RELN: variants seen among roughly 807,000 people sequenced by gnomAD.
RELN encodes reelin.
RELN carries 108 observed loss-of-function variants against 427.6 expected under a neutral mutation model. That is an observed-to-expected ratio of 0.25 (90% CI 0.22 to 0.30). RELN has a LOEUF of 0.30. RELN is among the 10% of genes least tolerant of loss of function. The pLI is 1.00. For missense variants in RELN, 3,715 were observed against 4,302.8 expected (o/e 0.86, Z 3.82); for synonymous variants, 1,524 against 1,513.4 (o/e 1.01, Z -0.16).
In RELN at chr7:103,627,794, T is replaced by C. The variant is rs149033330; in HGVS notation, c.2702+2146A>G. The C allele has an allele frequency of 2.9e-4, 44 of 152,344 alleles. No individual in the cohort carries two copies. The East Asian group carries it at 7.3e-3, about 25-fold the overall frequency. 9.4% of individuals were successfully genotyped at this position (152,344 alleles called of 1,614,324 possible). On this transcript the variant is annotated intron_variant, in intron 20 of 64. Coordinates refer to ENST00000428762, the MANE Select transcript of RELN (RefSeq NM_005045.4). Reference sequence around the variant, plus strand: ...TTTCTATAATTACTGTGATTGTACTTTCACAAAGTAAATGTATCTCCACCA... The same window carrying C: ...TTTCTATAATTACTGTGATTGTACTCTCACAAAGTAAATGTATCTCCACCA...
At chr7:103,729,143 C>T (rs934207914) in intron 6 of RELN, among the ~76,000 whole-genome samples, 1 of 151,966 alleles carries the variant, frequency 6.6e-6, no homozygotes, top group Non-Finnish European at 1.5e-5. Context: ...AGCAATGTTT[C>T]CCCTGTCTGA....
intron 8 of RELN, among the ~76,000 whole-genome samples, chr7:103,713,141 T>C (rs10280477): frequency 0.28 from 42,991 of 152,008 alleles, 6,243 homozygotes; most frequent in South Asian, 0.38. Flanking sequence ...CTAGATAGCA[T>C]AGTGGGACCC....
At chr7:103,566,499 G>C in intron 32 of RELN, 87 bp from the exon 33 acceptor site, 1 of 1,589,154 alleles carries the variant, frequency 6.3e-7, no homozygotes, top group East Asian at 2.2e-5. Flanking sequence ...AAATCAAATT[G>C]TCTAGAAATT....
intron 28 of RELN, among the ~76,000 whole-genome samples, chr7:103,580,003 C>T (rs184555245): frequency 7.9e-5 from 12 of 152,254 alleles, no homozygotes; most frequent in African/African-American, 2.9e-4. Context: ...CTGAGAGTTG[C>T]GAGAGGTGTA....
intron 3 of RELN, among the ~76,000 whole-genome samples, chr7:103,814,945 T>A (rs1792834000): frequency 6.6e-6 from 1 of 152,178 alleles, no homozygotes; most frequent in Non-Finnish European, 1.5e-5. Flanking sequence ...TTTATACATC[T>A]TTGTCCAGAG....
intron 2 of RELN, among the ~76,000 whole-genome samples, chr7:103,854,477 T>C (rs1040262604): frequency 1.3e-5 from 2 of 152,202 alleles, no homozygotes; most frequent in Non-Finnish European, 2.9e-5. Flanking sequence ...AGGTATAACA[T>C]ACATATAATA....
chr7:103,930,867 T>C (rs1398302172), intron 1 of RELN, among the ~76,000 whole-genome samples: 1 of 114,452 alleles, frequency 8.7e-6, no homozygotes, highest in Non-Finnish European at 1.7e-5. Flanking sequence ...GGTGTGAGCA[T>C]ATGTGTGTGT....
In RELN at chr7:103,483,826, A is replaced by G; in HGVS notation, c.10008T>C (p.Ile3336=). The change falls in exon 62 of 65, where the codon ATT becomes ATC. Residue 3336 remains isoleucine (I), a synonymous_variant. Coordinates refer to ENST00000428762, the MANE Select transcript of RELN (RefSeq NM_005045.4). ...RASKIMFVLQ[I]GSMSQTDSCN... ...AGCTGTCCGTCTGCGACATGCTCCC[A>G]ATTTGCAAAACAAACATGATTTTGC... 1 of 1,613,994 alleles carries G rather than the reference A, an allele frequency of 6.2e-7. No homozygotes were observed. Among genetic ancestry groups the G allele is most frequent in the Non-Finnish European group, 8.5e-7 (1 of 1,179,876 alleles).
chr7:103,764,379 T>C (rs1791377424), intron 4 of RELN, among the ~76,000 whole-genome samples: 1 of 152,176 alleles, frequency 6.6e-6, no homozygotes, highest in Non-Finnish European at 1.5e-5. Flanking sequence ...ATTTCATGGC[T>C]AGAAAGTGCC....
At chr7:103,710,260 C>T (rs186602742) in intron 8 of RELN, among the ~76,000 whole-genome samples, 2 of 152,206 alleles carry the variant, frequency 1.3e-5, no homozygotes, top group African/African-American at 4.8e-5. Flanking sequence ...ACTCCTTCAT[C>T]ACGTTGCCCC....
chr7:103,742,607 T>C (rs1024935129), intron 6 of RELN, among the ~76,000 whole-genome samples: 3 of 152,088 alleles, frequency 2.0e-5, no homozygotes, highest in African/African-American at 7.2e-5. Context: ...GCACGAGAGC[T>C]ACATGACGAA....
intron 22 of RELN, among the ~76,000 whole-genome samples, chr7:103,605,715 T>A (rs1371333355): frequency 6.6e-6 from 1 of 152,240 alleles, no homozygotes; most frequent in Admixed American, 6.5e-5. Flanking sequence ...TTGATCTTAA[T>A]GATCTAAATG....
At chr7:103,624,333 C>T (rs1054309881) in intron 20 of RELN, among the ~76,000 whole-genome samples, 2 of 152,192 alleles carry the variant, frequency 1.3e-5, no homozygotes, top group African/African-American at 2.4e-5. Flanking sequence ...GGGCTGATCA[C>T]GCCACCTGGG....
intron 8 of RELN, among the ~76,000 whole-genome samples, chr7:103,715,212 A>G (rs1789907834): frequency 6.6e-6 from 1 of 152,226 alleles, no homozygotes; most frequent in Non-Finnish European, 1.5e-5. Flanking sequence ...CTAAGCATCT[A>G]CTAAAAATGG....
intron 4 of RELN, among the ~76,000 whole-genome samples, chr7:103,770,902 C>T (rs1172314047): frequency 6.7e-6 from 1 of 148,502 alleles, no homozygotes; most frequent in East Asian, 2.0e-4. Flanking sequence ...AGCCAAATTG[C>T]CAATCGCTTA....
chr7:103,502,892 A>T, intron 52 of RELN, 124 bp downstream of exon 52: 2 of 813,666 alleles, frequency 2.5e-6, no homozygotes, highest in Non-Finnish European at 4.2e-6. Flanking sequence ...GAGAACCTTT[A>T]GAGTTAGGGA....
At chr7:103,661,052 G>A (rs1428246658) in intron 12 of RELN, among the ~76,000 whole-genome samples, 1 of 152,116 alleles carries the variant, frequency 6.6e-6, no homozygotes, top group Non-Finnish European at 1.5e-5. Context: ...GGGGGAAGCT[G>A]GGAAAAAGAA....
chr7:103,543,297 T>TA (rs901048523), intron 42 of RELN, among the ~76,000 whole-genome samples: 1 of 152,132 alleles, frequency 6.6e-6, no homozygotes, highest in Non-Finnish European at 1.5e-5. Context: ...ACAAAATATT[T>TA]AAAAAAACAG....
intron 24 of RELN, among the ~76,000 whole-genome samples, chr7:103,600,941 T>C (rs1409424624): frequency 1.3e-5 from 2 of 152,228 alleles, no homozygotes; most frequent in Non-Finnish European, 2.9e-5. Flanking sequence ...TCGACTTACT[T>C]ATTCCTCTCA....
Sources: allele counts gnomAD v4.1 joint callset (sites outside exome capture counted in the v4.1 genomes callset), GRCh38; gene constraint gnomAD v4.1.1; transcripts MANE v1.5; gene names NCBI Gene and HGNC (gene_info 2026-07-23, HGNC 2026-07-21).